ANK3: variants seen among roughly 807,000 people sequenced by gnomAD.
ANK3 encodes ankyrin 3.
In ANK3, 57 loss-of-function variants were observed where a neutral mutation model predicts 370.9. The ratio of observed to expected loss-of-function variants is 0.15; its 90% CI spans 0.12 to 0.19. The LOEUF (loss-of-function observed/expected upper bound fraction) is 0.19, where lower values mean the gene tolerates loss of function less well. ANK3 is among the 10% of genes least tolerant of loss of function. ANK3 has a pLI of 1.00. For synonymous variants in ANK3, 1,929 were observed against 1,946.3 expected (o/e 0.99, Z 0.23); for missense variants, 4,439 against 5,302.1 (o/e 0.84, Z 5.06).
At chr10:60,192,338 CTATAT>C (rs2096498976) in intron 16 of ANK3, among the ~76,000 whole-genome samples, 2 of 150,614 alleles carry the variant, frequency 1.3e-5, no homozygotes, top group South Asian at 4.2e-4. Flanking sequence ...TATGTATATA[CTATAT>C]GTTTATAGCT....
chr10:60,112,476 A>G (rs78564692), intron 26 of ANK3, among the ~76,000 whole-genome samples: 5,675 of 152,290 alleles, frequency 0.037, 171 homozygotes, highest in Non-Finnish European at 0.058. Flanking sequence ...AAAGAAATGC[A>G]ATGTTACTAA....
intron 1 of ANK3, among the ~76,000 whole-genome samples, chr10:60,286,024 T>A (rs190531963): frequency 6.2e-4 from 95 of 152,150 alleles, no homozygotes; most frequent in African/African-American, 2.1e-3. Flanking sequence ...TCTCATTTTT[T>A]AAAAAAAGTA....
chr10:60,504,711 C>A (rs2075889601), intron 2 of ANK3, among the ~76,000 whole-genome samples: 1 of 152,020 alleles, frequency 6.6e-6, no homozygotes, highest in Non-Finnish European at 1.5e-5. Flanking sequence ...TTAAAAAATA[C>A]AACTAGGATG....
intron 2 of ANK3, among the ~76,000 whole-genome samples, chr10:60,606,459 T>C: frequency 6.6e-6 from 1 of 152,166 alleles, no homozygotes. Context: ...ATTTTAAAAG[T>C]ATGGCTTGTA....
chr10:60,100,557 T>A lies in ANK3; in HGVS notation c.3328+5348A>T, dbSNP rs1312875665. On this transcript the variant is annotated intron_variant, in intron 28 of 43. Transcript: ENST00000280772. Reference sequence around the variant, plus strand: ...TTTTCTGTTACATAGCAAGTACCAATTTCCCTTTCCTGTTTACAATAAAAC... The same window carrying A: ...TTTTCTGTTACATAGCAAGTACCAAATTCCCTTTCCTGTTTACAATAAAAC... 3.3e-5 allele frequency among the ~76,000 whole-genome samples: 5 copies of A among 152,202 alleles called. No homozygotes were observed. In the East Asian group the frequency reaches 9.6e-4, roughly 29 times the overall value.
intron 2 of ANK3, among the ~76,000 whole-genome samples, chr10:60,584,058 T>C (rs1478269079): frequency 1.3e-5 from 2 of 152,202 alleles, no homozygotes; most frequent in African/African-American, 2.4e-5. Flanking sequence ...ATGGTTCTTA[T>C]TATCTTAAAC....
chr10:60,701,181 A>G (rs2079540969), intron 1 of ANK3, among the ~76,000 whole-genome samples: 1 of 152,158 alleles, frequency 6.6e-6, no homozygotes, highest in Non-Finnish European at 1.5e-5. Flanking sequence ...ATGAAAAGGA[A>G]AACTGCCAAT....
intron 6 of ANK3, among the ~76,000 whole-genome samples, chr10:60,263,203 C>T (rs1486853849): frequency 6.6e-6 from 1 of 152,150 alleles, no homozygotes; most frequent in Non-Finnish European, 1.5e-5. Context: ...GGTTAGTTCA[C>T]TATTGGTGAT....
chr10:60,146,163 G>A (rs1269259058), intron 23 of ANK3: 1 of 1,226,182 alleles, frequency 8.2e-7, no homozygotes, highest in Non-Finnish European at 1.1e-6. Context: ...ACGAAGATGT[G>A]TTTGTGTACC....
chr10:60,069,813 C>T lies in ANK3; in HGVS notation c.11068G>A (p.Gly3690Arg), dbSNP rs1252227510. ...VEPNPSIPTS[G>R]ECQEGTSSSG... ...CTGGATGTGCCTTCCTGACACTCTC[C>T]GCTGGTCGGGATGCTGGGGTTAGGT... The change falls in exon 37 of 44, where the codon GGA becomes AGA. Residue 3690 changes from glycine (G) to arginine (R), a missense_variant. Physicochemically the swap from Gly to Arg is moderately radical, Grantham distance 125. Transcript: ENST00000280772. 9.3e-6 allele frequency: 15 copies of T among 1,613,990 alleles called. No individual in the cohort carries two copies. The highest frequency in any genetic ancestry group is 8.3e-5 in the Admixed American group (5 of 59,964).
At chr10:60,552,718 C>T (rs917911076) in intron 2 of ANK3, among the ~76,000 whole-genome samples, 6 of 152,306 alleles carry the variant, frequency 3.9e-5, no homozygotes, top group African/African-American at 1.4e-4. Context: ...GGTGTTCCTG[C>T]TTCCTTCACT....
chr10:60,571,875 C>T (rs1434191758), intron 2 of ANK3, among the ~76,000 whole-genome samples: 1 of 152,082 alleles, frequency 6.6e-6, no homozygotes, highest in Non-Finnish European at 1.5e-5. Context: ...CCTCAATTTA[C>T]ATGGAAAACA....
chr10:60,633,496 G>C (rs530296897), intron 1 of ANK3, among the ~76,000 whole-genome samples: 1 of 152,156 alleles, frequency 6.6e-6, no homozygotes, highest in African/African-American at 2.4e-5. Context: ...CTAGTTCCTA[G>C]AGAATATCAA....
chr10:60,424,978 G>A (rs1207439859), intron 2 of ANK3, among the ~76,000 whole-genome samples: 1 of 152,026 alleles, frequency 6.6e-6, no homozygotes, highest in African/African-American at 2.4e-5. Flanking sequence ...TGGGAAATGA[G>A]TACGGTTCAG....
chr10:60,554,105 G>A (rs2077153860), intron 2 of ANK3, among the ~76,000 whole-genome samples: 1 of 152,080 alleles, frequency 6.6e-6, no homozygotes, highest in African/African-American at 2.4e-5. Flanking sequence ...ATATGAATTT[G>A]CCACCAGGGT....
intron 1 of ANK3, among the ~76,000 whole-genome samples, chr10:60,358,118 ACAAACACACAC>A (rs2058064498): frequency 6.5e-5 from 5 of 76,836 alleles, no homozygotes; most frequent in Non-Finnish European, 1.4e-4. Context: ...ACACACACAC[ACAAACACACAC>A]ACACACACAC....
intron 28 of ANK3, among the ~76,000 whole-genome samples, chr10:60,105,364 T>C (rs1420612456): frequency 1.3e-5 from 2 of 152,152 alleles, no homozygotes; most frequent in Non-Finnish European, 2.9e-5. Flanking sequence ...CTCAGATATA[T>C]ACCAGTCTTA....
chr10:60,656,986 T>G (rs1453674805), intron 1 of ANK3, among the ~76,000 whole-genome samples: 1 of 152,146 alleles, frequency 6.6e-6, no homozygotes, highest in Non-Finnish European at 1.5e-5. Context: ...TTCATGCTAC[T>G]GATAAAGACA....
chr10:60,118,716 G>A (rs1349512714), intron 25 of ANK3, among the ~76,000 whole-genome samples: 1 of 152,040 alleles, frequency 6.6e-6, no homozygotes, highest in Non-Finnish European at 1.5e-5. Context: ...GGGAGCCTAA[G>A]GTTATTTTTC....
Sources: gnomAD v4.1 joint callset for allele counts (sites outside exome capture counted in the v4.1 genomes callset) on GRCh38, gnomAD v4.1.1 for gene constraint, MANE v1.5 for transcripts, NCBI Gene and HGNC (gene_info 2026-07-23, HGNC 2026-07-21) for gene names.